Variants in SERPINB12 observed in about 807,000 individuals in gnomAD.
SERPINB12 encodes the protein serpin B12.
SERPINB12 carries 57 observed loss-of-function variants against 41.1 expected under a neutral mutation model. The ratio of observed to expected loss-of-function variants is 1.39; its 90% CI spans 1.12 to 1.73. SERPINB12 has a LOEUF of 1.73. Ranked by LOEUF, SERPINB12 falls within the 40% of genes most tolerant of loss-of-function variation. The probability of loss-of-function intolerance (pLI) is 0.00; values close to 1 mark genes in which losing one functional copy is unlikely to be tolerated. For missense variants in SERPINB12, 536 were observed against 501.9 expected (o/e 1.07, Z -0.65); for synonymous variants, 180 against 181.3 (o/e 0.99, Z 0.06).
At chr18:63,557,578 A>G (rs1044935174) in intron 2 of SERPINB12, among the ~76,000 whole-genome samples, 5 of 152,176 alleles carry the variant, frequency 3.3e-5, no homozygotes, top group Non-Finnish European at 5.9e-5. Flanking sequence ...TGCTTTATTC[A>G]TCTACTAAGA....
chr18:63,536,904 T>C, the SERPINB12 span, among the ~76,000 whole-genome samples: 1 of 152,102 alleles, frequency 6.6e-6, no homozygotes, highest in Admixed American at 6.6e-5. Flanking sequence ...GTAATTCATA[T>C]AGTGCTGGGA....
intron 1 of SERPINB12, among the ~76,000 whole-genome samples, chr18:63,543,908 C>T (rs1003076364): frequency 6.6e-5 from 10 of 152,220 alleles, no homozygotes; most frequent in African/African-American, 9.6e-5. Context: ...TGAGCCACTG[C>T]GCCCGGGCAA....
upstream of SERPINB12, among the ~76,000 whole-genome samples, chr18:63,541,350 CA>C (rs778036991): frequency 1.1e-4 from 16 of 152,054 alleles, no homozygotes; most frequent in Admixed American, 5.2e-4. Flanking sequence ...GTGTGCTCCC[CA>C]AGTTATGATC....
At chr18:63,562,042 A>T (rs1374923994) in intron 5 of SERPINB12, among the ~76,000 whole-genome samples, 3 of 152,180 alleles carry the variant, frequency 2.0e-5, no homozygotes, top group Non-Finnish European at 2.9e-5. Context: ...ACAAAAAAGC[A>T]TGGTCTGAAC....
chr18:63,521,690 G>A, the SERPINB12 span, among the ~76,000 whole-genome samples: 9 of 152,282 alleles, frequency 5.9e-5, no homozygotes, highest in East Asian at 1.5e-3. Flanking sequence ...TTGTTCTGTC[G>A]CTGTGAGAAA....
At chr18:63,539,701 T>C (rs568138547), upstream of SERPINB12, among the ~76,000 whole-genome samples, 9 of 151,964 alleles carry the variant, frequency 5.9e-5, no homozygotes, top group Admixed American at 1.3e-4. Flanking sequence ...CTAAAATGAG[T>C]TATATTCCCC....
chr18:63,553,404 A>T (rs532880327), intron 1 of SERPINB12, among the ~76,000 whole-genome samples: 1 of 152,264 alleles, frequency 6.6e-6, no homozygotes, highest in South Asian at 2.1e-4. Flanking sequence ...GTTGGCCTGC[A>T]TGAGTAGTCA....
upstream of SERPINB12, among the ~76,000 whole-genome samples, chr18:63,539,273 T>C (rs1028869913): frequency 2.0e-5 from 3 of 152,206 alleles, no homozygotes; most frequent in African/African-American, 7.2e-5. Context: ...ATGGCCTCTA[T>C]ATTCCTGTCC....
intron 5 of SERPINB12, 142 bp downstream of exon 5, chr18:63,561,344 G>A: frequency 1.7e-6 from 1 of 604,492 alleles, no homozygotes; most frequent in Non-Finnish European, 3.0e-6. Context: ...TTTGCAGAAT[G>A]AGATACCATC....
At chr18:63,536,218 A>G in the SERPINB12 span, among the ~76,000 whole-genome samples, 1 of 151,934 alleles carries the variant, frequency 6.6e-6, no homozygotes, top group African/African-American at 2.4e-5. Context: ...GACAGACTTG[A>G]TTTAATAAAA....
chr18:63,553,335 T>C (rs1910581364), intron 1 of SERPINB12, among the ~76,000 whole-genome samples: 1 of 152,124 alleles, frequency 6.6e-6, no homozygotes, highest in Non-Finnish European at 1.5e-5. Context: ...AGCTGCATGA[T>C]TGTTGCAAGT....
the SERPINB12 span, among the ~76,000 whole-genome samples, chr18:63,521,564 G>T: frequency 2.6e-5 from 4 of 152,150 alleles, no homozygotes; most frequent in Non-Finnish European, 2.9e-5. Context: ...TCATCTCAAA[G>T]CACTGGGCCA....
At chr18:63,545,292 A>T (rs1372370244) in intron 1 of SERPINB12, among the ~76,000 whole-genome samples, 1 of 151,774 alleles carries the variant, frequency 6.6e-6, no homozygotes, top group African/African-American at 2.4e-5. Context: ...CCCTAGTGTA[A>T]TTCTCTGGCA....
rs559005178 is a variant in SERPINB12 at position 63,559,591 on chromosome 18, A to G, written c.317A>G (p.Asn106Ser). 2.3e-5 allele frequency: 37 copies of G among 1,614,072 alleles called. No homozygotes were observed. The African/African-American group carries it at 4.4e-4, about 19-fold the overall frequency. The change falls in exon 4 of 8, where the codon AAC becomes AGC. Residue 106 changes from asparagine (N) to serine (S), a missense_variant. Coordinates refer to ENST00000382768, the MANE Select transcript of SERPINB12 (RefSeq NM_001307928.2). ...EPLDQQAGSL[N>S]NESGLVSCYF... ...TTCTTTCCTTAGGCTGGGTCCTTAAACAATGAGAGCGGACTGGTCAGCTGC... is the reference window on the plus strand; with the variant it reads ...TTCTTTCCTTAGGCTGGGTCCTTAAGCAATGAGAGCGGACTGGTCAGCTGC...
chr18:63,563,603 A>G (rs201991872), intron 5 of SERPINB12, among the ~76,000 whole-genome samples: 3 of 152,178 alleles, frequency 2.0e-5, no homozygotes. Flanking sequence ...AACTGCATTA[A>G]AAAGAATTAT....
At position 63,568,616 on chromosome 18, in the gene SERPINB12, A is replaced by G. The variant is rs1911192648; in HGVS notation, c.*1605A>G. 6.6e-6 allele frequency among the ~76,000 whole-genome samples: 1 copy of G among 152,144 alleles called. No homozygotes were observed. Among genetic ancestry groups the G allele is most frequent in the African/African-American group, 2.4e-5 (1 of 41,416 alleles). Reference sequence around the variant, plus strand: ...GTCCAACTCACATCTCTTTGGAGTCAGTCTCTTTCCTATCGAGGTGGGTTT... The same window carrying G: ...GTCCAACTCACATCTCTTTGGAGTCGGTCTCTTTCCTATCGAGGTGGGTTT... On this transcript the variant is annotated 3_prime_UTR_variant, in exon 8 of 8. Transcript: ENST00000382768.
chr18:63,564,319 T>G (rs1911021460), intron 6 of SERPINB12, among the ~76,000 whole-genome samples, 199 bp downstream of exon 6: 1 of 152,246 alleles, frequency 6.6e-6, no homozygotes, highest in Admixed American at 6.5e-5. Context: ...CCATTTGTTA[T>G]TTCATTTGTT....
the SERPINB12 span, among the ~76,000 whole-genome samples, chr18:63,527,796 T>C: frequency 6.6e-6 from 1 of 152,134 alleles, no homozygotes; most frequent in Non-Finnish European, 1.5e-5. Context: ...ATTACTCAAG[T>C]AGAATCAACA....
At chr18:63,540,061 T>A (rs2144542390), upstream of SERPINB12, among the ~76,000 whole-genome samples, 1 of 152,320 alleles carries the variant, frequency 6.6e-6, no homozygotes, top group Admixed American at 6.5e-5. Context: ...GGTTACACCC[T>A]GTTTCCACTC....
Sources: allele counts gnomAD v4.1 joint callset (sites outside exome capture counted in the v4.1 genomes callset), GRCh38; gene constraint gnomAD v4.1.1; transcripts MANE v1.5; gene names NCBI Gene and HGNC (gene_info 2026-07-23, HGNC 2026-07-21).